Variants in MINAR1 observed in about 807,000 individuals in gnomAD.
MINAR1 encodes the protein membrane integral NOTCH2 associated receptor 1, also known as major intrinsically disordered Notch2-binding receptor 1.
Under a neutral mutation model 65.1 loss-of-function variants are expected in MINAR1, and 40 were observed. The ratio of observed to expected loss-of-function variants is 0.61; its 90% CI spans 0.48 to 0.80. MINAR1 has a LOEUF of 0.80. MINAR1 is among the 30% of genes least tolerant of loss of function. The probability of loss-of-function intolerance (pLI) is 0.00; values close to 1 mark genes in which losing one functional copy is unlikely to be tolerated. For missense variants in MINAR1, 1,128 were observed against 1,148.0 expected, an observed-to-expected ratio of 0.98 and a Z score of 0.25; for synonymous variants, 482 against 449.1, an observed-to-expected ratio of 1.07 and a Z score of -0.93.
At chr15:79,420,250 T>A in the MINAR1 span, 1 of 152,196 alleles carries the variant, frequency 6.6e-6, no homozygotes, top group African/African-American at 2.4e-5. Context: ...AGGGAGAACT[T>A]AATATACACA....
chr15:79,463,123 T>G lies in MINAR1; in HGVS notation c.2355T>G (p.Asp785Glu). ...ACCGACTGCCCAAGCAGCCCAAAGA[T>G]GGCTTCCTGGTGGAGCAGGTGTTCA... The part of the protein sequence containing the change: ...PQHRLPKQPK[D>E]GFLVEQVFSP... The change falls in exon 3 of 4, where the codon GAT (aspartate) becomes GAG (glutamate). Residue 785 changes from aspartate to glutamate, a missense_variant. Coordinates refer to ENST00000305428, the MANE Select transcript of MINAR1 (RefSeq NM_015206.3). 1 of 1,614,198 alleles carries G rather than the reference T, an allele frequency of 6.2e-7. No homozygotes were observed. The highest frequency in any genetic ancestry group is 1.1e-5 in the South Asian group (1 of 91,088).
chr15:79,419,990 G>A, the MINAR1 span: 1 of 152,150 alleles, frequency 6.6e-6, no homozygotes, highest in Non-Finnish European at 1.5e-5. Context: ...ACCAACTAGG[G>A]TGAATTAAAA....
At chr15:79,454,877 T>G (rs1895356435) in intron 1 of MINAR1, among the ~76,000 whole-genome samples, 1 of 152,152 alleles carries the variant, frequency 6.6e-6, no homozygotes, top group East Asian at 1.9e-4. Context: ...CATCAGCCAG[T>G]GCACCCTTAA....
At chr15:79,462,932 T>A (rs1055173874) in intron 2 of MINAR1, 135 bp from the exon 3 acceptor site, 1 of 873,506 alleles carries the variant, frequency 1.1e-6, no homozygotes, top group African/African-American at 1.7e-5. Context: ...TATGCTTTCA[T>A]ACTTTTGATT....
chr15:79,437,155 T>C (rs1894624785), intron 1 of MINAR1, among the ~76,000 whole-genome samples: 1 of 152,236 alleles, frequency 6.6e-6, no homozygotes, highest in Non-Finnish European at 1.5e-5. Flanking sequence ...ACTGAAAGCT[T>C]TAGCATATCC....
rs1415011095 is a variant in MINAR1 at position 79,471,340 on chromosome 15, ATTCATAATCATTTCATCTTCT to A, written c.*2978_*2998del. 5.9e-5 allele frequency: 9 copies of A among 152,608 alleles called. No homozygotes were observed. Among genetic ancestry groups the A allele is most frequent in the African/African-American group, 1.7e-4 (7 of 41,440 alleles). 9.5% of individuals were successfully genotyped at this position (152,608 alleles called of 1,614,324 possible). ...TTAAATATCCTTAACCAATGATTAA[ATTCATAATCATTTCATCTTCT>A]TTCATAATCATTTCATCTTCTAATC... On this transcript the variant is annotated 3_prime_UTR_variant, in exon 4 of 4. Coordinates refer to ENST00000305428, the MANE Select transcript of MINAR1 (RefSeq NM_015206.3).
chr15:79,449,668 C>T (rs1895129375), intron 1 of MINAR1, among the ~76,000 whole-genome samples: 1 of 152,198 alleles, frequency 6.6e-6, no homozygotes, highest in African/African-American at 2.4e-5. Context: ...CTACCCTAGA[C>T]CAGTTAAATC....
At chr15:79,462,917 A>G (rs1895698663) in intron 2 of MINAR1, 150 bp from the exon 3 acceptor site, 6 of 750,600 alleles carry the variant, frequency 8.0e-6, no homozygotes, top group Non-Finnish European at 8.6e-6. Flanking sequence ...TTCCCTCAAT[A>G]TGGTTATGCT....
chr15:79,439,530 G>A (rs1426566064), intron 1 of MINAR1, among the ~76,000 whole-genome samples: 1 of 151,698 alleles, frequency 6.6e-6, no homozygotes, highest in Admixed American at 6.6e-5. Flanking sequence ...GTGGGACTGA[G>A]ACGTGGGTAG....
Position 79,471,019 on chromosome 15 carries a change from T to TCTATCTCCC in MINAR1, c.*2640_*2648dup, listed in dbSNP as rs1896058950. 1 of 152,152 alleles carries TCTATCTCCC rather than the reference T, an allele frequency of 6.6e-6. No individual in the cohort carries two copies. The highest frequency in any genetic ancestry group is 2.4e-5 in the African/African-American group (1 of 41,436). 9.4% of individuals were successfully genotyped at this position (152,152 alleles called of 1,614,324 possible). A position where few individuals can be genotyped will look rare whatever the true frequency, so the allele number is the denominator to read the frequency against. ...TTCCCTGACCCTGAGACTCACCCTA[T>TCTATCTCCC]CTATCTCCCCTATTCCCTCAGTTTG... On this transcript the variant is annotated 3_prime_UTR_variant, in exon 4 of 4. Coordinates refer to ENST00000305428, the MANE Select transcript of MINAR1 (RefSeq NM_015206.3).
At position 79,456,557 on chromosome 15, in the gene MINAR1, T is replaced by A; in HGVS notation, c.410T>A (p.Leu137Gln). The A allele has an allele frequency of 6.2e-7, 1 of 1,614,108 alleles. No individual in the cohort carries two copies. The highest frequency in any genetic ancestry group is 8.5e-7 in the Non-Finnish European group (1 of 1,180,008). The part of the protein sequence containing the change: ...EICNAAECEP[L>Q]NCELSERSFS... ...TGCAATGCAGCTGAGTGTGAGCCCCTGAACTGTGAGCTGAGTGAGAGGTCT... is the reference window on the plus strand; with the variant it reads ...TGCAATGCAGCTGAGTGTGAGCCCCAGAACTGTGAGCTGAGTGAGAGGTCT... Residue 137 changes from leucine (L) to glutamine (Q), a missense_variant, in exon 2 of 4, where the codon CTG (leucine) becomes CAG (glutamine). Coordinates refer to ENST00000305428, the MANE Select transcript of MINAR1 (RefSeq NM_015206.3).
In MINAR1 at chr15:79,456,867, C is replaced by A. The variant is rs770494388; in HGVS notation, c.720C>A (p.Thr240=). The A allele has an allele frequency of 6.2e-7, 1 of 1,613,992 alleles. No individual in the cohort carries two copies. The highest frequency in any genetic ancestry group is 1.3e-5 in the African/African-American group (1 of 74,886). ...CCATCAATCAGAGCATCAAGGAGAC[C>A]TTCATTTCCAATGAGGAGCCATTTG... The part of the protein sequence containing the change: ...SLPINQSIKE[T]FISNEEPFVV... The change falls in exon 2 of 4, where the codon ACC becomes ACA. Residue 240 remains threonine, a synonymous_variant. Transcript: ENST00000305428.
chr15:79,421,193 A>C, the MINAR1 span: 1 of 152,358 alleles, frequency 6.6e-6, no homozygotes, highest in East Asian at 1.9e-4. Flanking sequence ...TTTATTATTA[A>C]ATTCAACATA....
the MINAR1 span, chr15:79,424,243 TAG>T: frequency 6.6e-6 from 1 of 152,236 alleles, no homozygotes; most frequent in African/African-American, 2.4e-5. Flanking sequence ...GACATTCAGA[TAG>T]AGAGACCAGG....
chr15:79,452,743 G>GT (rs1567055546), intron 1 of MINAR1, among the ~76,000 whole-genome samples: 16 of 80,870 alleles, frequency 2.0e-4, no homozygotes, highest in South Asian at 3.7e-4. Flanking sequence ...TGGGTGTGTG[G>GT]GGGGGGTGTG....
upstream of MINAR1, among the ~76,000 whole-genome samples, chr15:79,428,891 G>A (rs1228640815): frequency 1.3e-5 from 2 of 152,016 alleles, no homozygotes; most frequent in Non-Finnish European, 2.9e-5. Flanking sequence ...TCACTAAAGA[G>A]AATTCTGATT....
intron 1 of MINAR1, among the ~76,000 whole-genome samples, chr15:79,435,761 C>G (rs1894583356): frequency 6.6e-6 from 1 of 152,190 alleles, no homozygotes; most frequent in Non-Finnish European, 1.5e-5. Flanking sequence ...GTTGCTATAT[C>G]TCTAGTGCCT....
At chr15:79,455,985 T>G in intron 1 of MINAR1, 113 bp from the exon 2 acceptor site, 1 of 622,280 alleles carries the variant, frequency 1.6e-6, no homozygotes, top group Non-Finnish European at 2.7e-6. Context: ...TTTTAATCAT[T>G]AAAATGTTTT....
chr15:79,450,520 G>T (rs1450567475), intron 1 of MINAR1, among the ~76,000 whole-genome samples: 2 of 149,592 alleles, frequency 1.3e-5, no homozygotes, highest in African/African-American at 2.5e-5. Flanking sequence ...TCAGTTTTCT[G>T]AACTGTCTTC....
Sources: allele counts gnomAD v4.1 joint callset (sites outside exome capture counted in the v4.1 genomes callset), GRCh38; gene constraint gnomAD v4.1.1; transcripts MANE v1.5; gene names NCBI Gene and HGNC (gene_info 2026-07-23, HGNC 2026-07-21).